The following ZNF507 variants were observed in gnomAD, a reference collection of about 807,000 sequenced individuals.
ZNF507 encodes the protein zinc finger protein 507.
A neutral mutation model predicts 80.0 loss-of-function variants in ZNF507; 29 were observed. The ratio of observed to expected loss-of-function variants is 0.36; its 90% CI spans 0.27 to 0.49. ZNF507 has a LOEUF of 0.49. ZNF507 is among the 20% of genes least tolerant of loss of function. ZNF507 has a pLI of 0.98. For missense variants in ZNF507, 1,081 were observed against 1,152.2 expected (o/e 0.94, Z 0.90); for synonymous variants, 462 against 422.5 (o/e 1.09, Z -1.15).
At chr19:32,349,010 A>G (rs1177581753) in intron 2 of ZNF507, among the ~76,000 whole-genome samples, 1 of 152,234 alleles carries the variant, frequency 6.6e-6, no homozygotes, top group Non-Finnish European at 1.5e-5. Context: ...AAGGTGTTGG[A>G]CTTCAATAAG....
chr19:32,382,076 G>A (rs1967630501), intron 5 of ZNF507: 1 of 157,310 alleles, frequency 6.4e-6, no homozygotes, highest in Non-Finnish European at 1.4e-5. Flanking sequence ...GTTCCTTTTT[G>A]CTTTCTCAAG....
At chr19:32,380,529 TTTAA>T in intron 5 of ZNF507, 2 of 1,389,276 alleles carry the variant, frequency 1.4e-6, no homozygotes, top group Non-Finnish European at 2.0e-6. Context: ...TTTGACCGTA[TTTAA>T]TTGTTTTATT....
intron 5 of ZNF507, among the ~76,000 whole-genome samples, chr19:32,361,679 TTTCCTTCCTTCCTTTCCTTCCTTTCC>T (rs1568305610): frequency 9.4e-5 from 2 of 21,302 alleles, no homozygotes; most frequent in Non-Finnish European, 3.2e-4. Context: ...CCTTCCTTCC[TTTCCTTCCTTCCTTTCCTTCCTTTCC>T]TTCCTTCCTT....
At chr19:32,382,387 A>G (rs1967634647) in intron 5 of ZNF507, 80 bp from the exon 6 acceptor site, 5 of 1,548,374 alleles carry the variant, frequency 3.2e-6, no homozygotes, top group Non-Finnish European at 4.4e-6. Context: ...AAGGGCTATA[A>G]TAATTGTTAC....
intron 2 of ZNF507, among the ~76,000 whole-genome samples, chr19:32,352,153 T>C (rs1568302129): frequency 6.6e-6 from 1 of 152,124 alleles, no homozygotes; most frequent in African/African-American, 2.4e-5. Flanking sequence ...CAGCATAGTT[T>C]GTGGTTTATC....
intron 5 of ZNF507, among the ~76,000 whole-genome samples, chr19:32,379,134 G>A (rs1056979252): frequency 1.8e-4 from 27 of 152,148 alleles, no homozygotes; most frequent in African/African-American, 6.0e-4. Context: ...TACACACCAC[G>A]ACCGTGTGAC....
At chr19:32,365,566 A>G (rs1179316114) in intron 5 of ZNF507, among the ~76,000 whole-genome samples, 3 of 152,118 alleles carry the variant, frequency 2.0e-5, no homozygotes, top group Non-Finnish European at 2.9e-5. Flanking sequence ...GTTTTACTGA[A>G]AAGTTCCACT....
In ZNF507 at chr19:32,383,535, G is replaced by C. The variant is rs763718771; in HGVS notation, c.*452G>C. On this transcript the variant is annotated 3_prime_UTR_variant, in exon 7 of 7. Coordinates refer to ENST00000355898, the MANE Select transcript of ZNF507 (RefSeq NM_001136156.2). ...GGCCTCCAGTGAGAAATGGGAGGCAGTTCTGGGAGGGGGTTTTTTCAGTGT... is the reference window on the plus strand; with the variant it reads ...GGCCTCCAGTGAGAAATGGGAGGCACTTCTGGGAGGGGGTTTTTTCAGTGT... 6.4e-6 allele frequency: 1 copy of C among 156,558 alleles called. No individual in the cohort carries two copies. The highest frequency in any genetic ancestry group is 1.4e-5 in the Non-Finnish European group (1 of 70,672). 9.7% of individuals were successfully genotyped at this position (156,558 alleles called of 1,614,324 possible).
In ZNF507 at chr19:32,382,832, C is replaced by G. The variant is rs773248389; in HGVS notation, c.2611C>G (p.Pro871Ala). 6.2e-7 allele frequency: 1 copy of G among 1,614,110 alleles called. No homozygotes were observed. The highest frequency in any genetic ancestry group is 8.5e-7 in the Non-Finnish European group (1 of 1,180,018). Residue 871 changes from proline (P) to alanine (A), a missense_variant, in exon 7 of 7, where the codon CCC becomes GCC. Physicochemically the swap from Pro to Ala is conservative, Grantham distance 27 (BLOSUM62 -1). Coordinates refer to ENST00000355898, the MANE Select transcript of ZNF507 (RefSeq NM_001136156.2). ...VSSSELMSQT[P>A]SEVLGTNENE... ...ATCTTCAGAACTGATGTCCCAGACT[C>G]CCAGTGAAGTTCTGGGTACCAACGA...
At position 32,385,946 on chromosome 19, in the gene ZNF507, A is replaced by G. The variant is rs1967683383; in HGVS notation, c.*2863A>G. 1.3e-5 allele frequency: 2 copies of G among 152,252 alleles called. No individual in the cohort carries two copies. The highest frequency in any genetic ancestry group is 4.8e-5 in the African/African-American group (2 of 41,456). 9.4% of individuals were successfully genotyped at this position (152,252 alleles called of 1,614,324 possible). On this transcript the variant is annotated 3_prime_UTR_variant, in exon 7 of 7. Coordinates refer to ENST00000355898, the MANE Select transcript of ZNF507 (RefSeq NM_001136156.2). ...TGCTCCGAACACTTAAAAAATACTA[A>G]GACGTGATAGTGAAAATAGCTTTGA...
intron 5 of ZNF507, among the ~76,000 whole-genome samples, chr19:32,375,557 A>G (rs1019351460): frequency 6.6e-6 from 1 of 152,242 alleles, no homozygotes; most frequent in Non-Finnish European, 1.5e-5. Context: ...AAAGAGACTT[A>G]AGAGACTTAC....
intron 5 of ZNF507, among the ~76,000 whole-genome samples, chr19:32,362,049 G>C (rs535481021): frequency 1.4e-4 from 21 of 152,204 alleles, no homozygotes; most frequent in African/African-American, 4.8e-4. Flanking sequence ...CTCCCAAGTA[G>C]CTGGGACCAC....
At chr19:32,365,837 G>T (rs1967391136) in intron 5 of ZNF507, among the ~76,000 whole-genome samples, 1 of 152,174 alleles carries the variant, frequency 6.6e-6, no homozygotes, top group South Asian at 2.1e-4. Flanking sequence ...TGGGCTTTGG[G>T]CTCAAGTACT....
chr19:32,366,586 C>T (rs983257279), intron 5 of ZNF507, among the ~76,000 whole-genome samples: 7 of 152,162 alleles, frequency 4.6e-5, no homozygotes, highest in East Asian at 1.9e-4. Context: ...TTAAGACCAC[C>T]GCAATTTATT....
At position 32,386,334 on chromosome 19, in the gene ZNF507, G is replaced by C. The variant is rs1238656070; in HGVS notation, c.*3251G>C. The C allele has an allele frequency of 6.6e-6, 1 of 152,570 alleles. No individual in the cohort carries two copies. Among genetic ancestry groups the C allele is most frequent in the African/African-American group, 2.4e-5 (1 of 41,426 alleles). The allele number at this position is 152,570 out of a possible 1,614,324, so 9.5% of individuals were successfully genotyped here. A position where few individuals can be genotyped will look rare whatever the true frequency, so the allele number is the denominator to read the frequency against. ...TAATTGGCTTGACAAAGACAAGCAG[G>C]CTTCTCTGTTGAGACTTATTGTGTT... On this transcript the variant is annotated 3_prime_UTR_variant, in exon 7 of 7. Coordinates refer to ENST00000355898, the MANE Select transcript of ZNF507 (RefSeq NM_001136156.2).
At chr19:32,349,517 G>C (rs536554118) in intron 2 of ZNF507, among the ~76,000 whole-genome samples, 3 of 152,224 alleles carry the variant, frequency 2.0e-5, no homozygotes, top group African/African-American at 7.2e-5. Context: ...TTTAAATGCT[G>C]TTACTTTTTA....
At chr19:32,364,602 T>A (rs899691101) in intron 5 of ZNF507, among the ~76,000 whole-genome samples, 20 of 152,234 alleles carry the variant, frequency 1.3e-4, no homozygotes, top group African/African-American at 4.3e-4. Flanking sequence ...TTTCCATTCC[T>A]GAGTTACTTC....
Position 32,354,294 on chromosome 19 carries a change from G to T in ZNF507, c.1464G>T (p.Glu488Asp). Residue 488 changes from glutamate to aspartate, a missense_variant, in exon 3 of 7, where the codon GAG becomes GAT. Coordinates refer to ENST00000355898, the MANE Select transcript of ZNF507 (RefSeq NM_001136156.2). The stretch of plus-strand genomic sequence containing the variant: ...CAGGCCGGAGAAGGACAAATTCTGA[G>T]TCTCTTCGATTACACTCATTAGCTG... Reference protein sequence around the residue: ...APPGRRRTNSESLRLHSLAAE... With the variant: ...APPGRRRTNSDSLRLHSLAAE... The T allele has an allele frequency of 6.2e-7, 1 of 1,614,156 alleles. No homozygotes were observed. Among genetic ancestry groups the T allele is most frequent in the South Asian group, 1.1e-5 (1 of 91,082 alleles).
intron 2 of ZNF507, among the ~76,000 whole-genome samples, chr19:32,348,486 A>G (rs545704047): frequency 1.3e-5 from 2 of 152,206 alleles, no homozygotes; most frequent in Non-Finnish European, 2.9e-5. Flanking sequence ...ATAAAGAACT[A>G]ATTAGATACC....
Sources: gnomAD v4.1 joint callset for allele counts (sites outside exome capture counted in the v4.1 genomes callset) on GRCh38, gnomAD v4.1.1 for gene constraint, MANE v1.5 for transcripts, NCBI Gene and HGNC (gene_info 2026-07-23, HGNC 2026-07-21) for gene names.